Variants in RAP1A observed in about 807,000 individuals in gnomAD.
RAP1A encodes ras-related protein Rap-1A.
RAP1A carries 6 observed loss-of-function variants against 26.4 expected under a neutral mutation model. The observed-to-expected ratio is 0.23, with a 90% CI of 0.12 to 0.45. RAP1A has a LOEUF of 0.45. Among genes scored for constraint, RAP1A ranks in the 20% least tolerant of loss-of-function variants. RAP1A has a pLI of 0.99. For missense variants in RAP1A, 121 were observed against 217.2 expected (o/e 0.56, Z 2.78); for synonymous variants, 73 against 79.4 (o/e 0.92, Z 0.43).
At chr1:111,654,991 G>A (rs1037045397) in intron 1 of RAP1A, among the ~76,000 whole-genome samples, 6 of 151,662 alleles carry the variant, frequency 4.0e-5, no homozygotes, top group African/African-American at 9.7e-5. Context: ...AGCTGTGATC[G>A]TGCCACTGCA....
chr1:111,619,463 G>T (rs2101085827), upstream of RAP1A, among the ~76,000 whole-genome samples: 2 of 152,276 alleles, frequency 1.3e-5, no homozygotes, highest in South Asian at 4.1e-4. Context: ...TTAGAACAGC[G>T]CCTGGAACCT....
intron 1 of RAP1A, chr1:111,650,580 GAGC>G (rs1285499821): frequency 6.6e-6 from 1 of 152,056 alleles, no homozygotes; most frequent in Non-Finnish European, 1.5e-5. Flanking sequence ...CAATAAAACT[GAGC>G]AGATTTCTCG....
At chr1:111,688,822 G>GTTTTTTTTTTTTTTT (rs767753356) in intron 1 of RAP1A, among the ~76,000 whole-genome samples, 12 of 90,098 alleles carry the variant, frequency 1.3e-4, no homozygotes, top group East Asian at 3.7e-4. Context: ...TTTTTTTTTT[G>GTTTTTTTTTTTTTTT]TTTTTTTTTT....
At chr1:111,684,354 A>G (rs1661402301) in intron 1 of RAP1A, among the ~76,000 whole-genome samples, 1 of 152,220 alleles carries the variant, frequency 6.6e-6, no homozygotes, top group African/African-American at 2.4e-5. Flanking sequence ...GAGGAAGTCA[A>G]ATTGTCTCTG....
intron 1 of RAP1A, among the ~76,000 whole-genome samples, chr1:111,596,461 C>A (rs1658566104): frequency 6.6e-6 from 1 of 152,190 alleles, no homozygotes; most frequent in South Asian, 2.1e-4. Flanking sequence ...ACGTAAGAGT[C>A]TGTTTTCCCA....
At chr1:111,659,624 G>T (rs1463324807) in intron 1 of RAP1A, among the ~76,000 whole-genome samples, 1 of 151,710 alleles carries the variant, frequency 6.6e-6, no homozygotes, top group Non-Finnish European at 1.5e-5. Flanking sequence ...CTTTTAATTG[G>T]TGTTGGATTA....
chr1:111,549,113 C>T (rs1372139048), intron 1 of RAP1A, among the ~76,000 whole-genome samples: 7 of 152,132 alleles, frequency 4.6e-5, no homozygotes, highest in African/African-American at 1.7e-4. Context: ...CATCCATATT[C>T]ACAATGGATA....
chr1:111,696,192 T>A (rs1363896577), intron 3 of RAP1A, among the ~76,000 whole-genome samples: 2 of 152,230 alleles, frequency 1.3e-5, no homozygotes, highest in African/African-American at 2.4e-5. Context: ...GTATTTTCTA[T>A]GTCAAATATA....
intron 1 of RAP1A, among the ~76,000 whole-genome samples, chr1:111,645,255 A>G (rs1014717498): frequency 6.6e-6 from 1 of 152,234 alleles, no homozygotes; most frequent in Non-Finnish European, 1.5e-5. Flanking sequence ...GGAAATATAT[A>G]GGGCAGGTAG....
intron 1 of RAP1A, among the ~76,000 whole-genome samples, chr1:111,679,678 A>G (rs867609569): frequency 4.6e-5 from 7 of 152,176 alleles, no homozygotes; most frequent in South Asian, 2.1e-4. Context: ...TTCTCTGCAC[A>G]GCATTCTGAA....
chr1:111,638,495 G>A (rs1386760036), intron 1 of RAP1A, among the ~76,000 whole-genome samples: 2 of 152,136 alleles, frequency 1.3e-5, no homozygotes, highest in Admixed American at 6.5e-5. Flanking sequence ...GGGCTAGGGT[G>A]CTGTGGCAGG....
chr1:111,634,131 G>T (rs7532316), intron 1 of RAP1A, among the ~76,000 whole-genome samples: 1 of 152,054 alleles, frequency 6.6e-6, no homozygotes, highest in South Asian at 2.1e-4. Context: ...GACATGTGAA[G>T]TTTTTTAATA....
At chr1:111,654,489 C>T (rs377603722) in intron 1 of RAP1A, among the ~76,000 whole-genome samples, 1 of 152,164 alleles carries the variant, frequency 6.6e-6, no homozygotes, top group Admixed American at 6.5e-5. Flanking sequence ...AATCCTCGTT[C>T]TGCCATTTAC....
intron 7 of RAP1A, among the ~76,000 whole-genome samples, chr1:111,710,847 T>C (rs1662362078): frequency 6.6e-6 from 1 of 152,214 alleles, no homozygotes; most frequent in Admixed American, 6.5e-5. Context: ...TTTTTCTTTT[T>C]TTTGAGACGG....
upstream of RAP1A, among the ~76,000 whole-genome samples, chr1:111,619,242 C>T (rs1246115300): frequency 6.6e-6 from 1 of 152,214 alleles, no homozygotes; most frequent in East Asian, 1.9e-4. Flanking sequence ...TCCTTCATCC[C>T]GTGTGTATGC....
chr1:111,683,918 TACTG>T (rs1661384315), intron 1 of RAP1A, among the ~76,000 whole-genome samples: 1 of 152,150 alleles, frequency 6.6e-6, no homozygotes, highest in African/African-American at 2.4e-5. Flanking sequence ...CTCAATAAAA[TACTG>T]GCAAACTGAA....
chr1:111,582,950 T>C (rs1658287464), intron 1 of RAP1A, among the ~76,000 whole-genome samples: 1 of 152,192 alleles, frequency 6.6e-6, no homozygotes. Flanking sequence ...CCTACAACCA[T>C]ACAGTCTGTA....
intron 1 of RAP1A, among the ~76,000 whole-genome samples, chr1:111,646,580 C>G (rs946129121): frequency 6.6e-6 from 1 of 151,838 alleles, no homozygotes; most frequent in African/African-American, 2.4e-5. Context: ...TCACTCTGTC[C>G]CCTAGGCTGG....
intron 1 of RAP1A, among the ~76,000 whole-genome samples, chr1:111,560,501 TATTA>T (rs1657691569): frequency 6.6e-6 from 1 of 151,714 alleles, no homozygotes; most frequent in Non-Finnish European, 1.5e-5. Flanking sequence ...ATGTTTTACT[TATTA>T]ATTAGAGACA....
Sources: allele counts gnomAD v4.1 joint callset (sites outside exome capture counted in the v4.1 genomes callset), GRCh38; gene constraint gnomAD v4.1.1; transcripts MANE v1.5; gene names NCBI Gene and HGNC (gene_info 2026-07-23, HGNC 2026-07-21).